ZBED4: variants seen among roughly 807,000 people sequenced by gnomAD.
The protein encoded by ZBED4 is zinc finger BED domain-containing protein 4.
Under a neutral mutation model 15.5 loss-of-function variants are expected in ZBED4, and 4 were observed. The observed-to-expected ratio is 0.26, with a 90% CI of 0.13 to 0.59. The LOEUF (loss-of-function observed/expected upper bound fraction) is 0.59, where lower values mean the gene tolerates loss of function less well. Among genes scored for constraint, ZBED4 ranks in the 20% least tolerant of loss-of-function variants. The pLI, the probability that ZBED4 is intolerant of heterozygous loss-of-function variation, is 0.90. For missense variants in ZBED4, 1,323 were observed against 1,461.8 expected (o/e 0.91, Z 1.55); for synonymous variants, 692 against 608.5 (o/e 1.14, Z -2.02).
intron 1 of ZBED4, among the ~76,000 whole-genome samples, chr22:49,883,112 C>G (rs960760087): frequency 2.6e-5 from 4 of 152,148 alleles, no homozygotes; most frequent in Non-Finnish European, 5.9e-5. Context: ...TATTAATAGG[C>G]CACTTGCATT....
Position 49,885,428 on chromosome 22 carries a change from G to C in ZBED4, c.1766G>C (p.Gly589Ala). The C allele has an allele frequency of 6.2e-7, 1 of 1,609,426 alleles. No individual in the cohort carries two copies. The highest frequency in any genetic ancestry group is 8.5e-7 in the Non-Finnish European group (1 of 1,176,052). ...CLHCGRTISR[G>A]KKPTNLGTSC... ...CACTGTGGCCGGACCATCAGCCGGG[G>C]GAAGAAGCCGACTAACTTGGGTACC... is the stretch of plus-strand genomic sequence containing the variant. Residue 589 changes from glycine (G) to alanine (A), a missense_variant, in exon 2 of 2, where the codon GGG (glycine) becomes GCG (alanine). Physicochemically the swap from Gly to Ala is moderately conservative, Grantham distance 60. Transcript: ENST00000216268.
In ZBED4 at chr22:49,887,507, A is replaced by G. The variant is rs930872825; in HGVS notation, c.*329A>G. On this transcript the variant is annotated 3_prime_UTR_variant, in exon 2 of 2. Coordinates refer to ENST00000216268, the MANE Select transcript of ZBED4 (RefSeq NM_014838.3). ...TACTAGAATGACAAAGAAGATGTAA[A>G]CCATTTTATTCTGTAGGCTTTTTAC... 1 of 228,192 alleles carries G rather than the reference A, an allele frequency of 4.4e-6. No homozygotes were observed. The highest frequency in any genetic ancestry group is 2.3e-5 in the African/African-American group (1 of 44,006). The allele number at this position is 228,192 out of a possible 1,614,324, so 14.1% of individuals were successfully genotyped here.
chr22:49,858,254 T>C (rs542376926), intron 1 of ZBED4, among the ~76,000 whole-genome samples: 1 of 152,334 alleles, frequency 6.6e-6, no homozygotes, highest in Admixed American at 6.5e-5. Context: ...GGGCAGCTGT[T>C]GTGAGCCATG....
chr22:49,868,250 C>G (rs1455145508), intron 1 of ZBED4, among the ~76,000 whole-genome samples: 3 of 152,062 alleles, frequency 2.0e-5, no homozygotes, highest in Non-Finnish European at 2.9e-5. Flanking sequence ...TTTGGGGAAA[C>G]TAAAAAATAA....
rs1402921176 is a variant in ZBED4, at chr22:49,886,068, G to A, written c.2406G>A (p.Gln802=). The A allele has an allele frequency of 4.4e-6, 3 of 682,212 alleles. No individual in the cohort carries two copies. In the African/African-American group the frequency reaches 5.4e-5, roughly 12 times the overall value. 42.3% of individuals were successfully genotyped at this position (682,212 alleles called of 1,614,324 possible). ...CGTGGGTGACCTCCACCGGCCTTCAGGTGGGCATCACCGTCACCGACAACG... is the reference window on the plus strand; with the variant it reads ...CGTGGGTGACCTCCACCGGCCTTCAAGTGGGCATCACCGTCACCGACAACG... ...WEAWVTSTGL[Q]VGITVTDNAS... Residue 802 remains glutamine (Q), a synonymous_variant, in exon 2 of 2, where the codon CAG becomes CAA. Coordinates refer to ENST00000216268, the MANE Select transcript of ZBED4 (RefSeq NM_014838.3). The surrounding 1 kb of genome is among the most constrained non-coding windows in gnomAD (Gnocchi z 7.7).
At chr22:49,877,258 A>ATTATTTATTTAT (rs200275015) in intron 1 of ZBED4, among the ~76,000 whole-genome samples, 13 of 144,738 alleles carry the variant, frequency 9.0e-5, no homozygotes, top group Admixed American at 4.1e-4. Context: ...AAACAGCTTT[A>ATTATTTATTTAT]TTATTTATTT....
intron 1 of ZBED4, among the ~76,000 whole-genome samples, chr22:49,875,190 G>A (rs1401155066): frequency 6.6e-6 from 1 of 151,818 alleles, no homozygotes; most frequent in African/African-American, 2.4e-5. Context: ...AAAGAATTGG[G>A]AGGTGTTTCT....
Position 49,885,833 on chromosome 22 carries a change from A to G in ZBED4, c.2171A>G (p.Glu724Gly). Residue 724 changes from glutamate (E) to glycine (G), a missense_variant, in exon 2 of 2, where the codon GAG (glutamate) becomes GGG (glycine). Physicochemically the swap from Glu to Gly is moderately conservative, Grantham distance 98. Transcript: ENST00000216268. ...ATTATGTCCCACCTTAAGGAAGCTGAGAGTGGTGTGATCCACTTCACGTCT... is the reference window on the plus strand; with the variant it reads ...ATTATGTCCCACCTTAAGGAAGCTGGGAGTGGTGTGATCCACTTCACGTCT... ...QIIMSHLKEA[E>G]SGVIHFTSGI... The G allele has an allele frequency of 6.5e-7, 1 of 1,546,098 alleles. No individual in the cohort carries two copies. The highest frequency in any genetic ancestry group is 2.2e-5 in the East Asian group (1 of 44,510).
intron 1 of ZBED4, among the ~76,000 whole-genome samples, chr22:49,874,142 C>T (rs1423750774): frequency 1.3e-5 from 2 of 152,184 alleles, no homozygotes; most frequent in African/African-American, 4.8e-5. Context: ...CGCCTCCTGC[C>T]TGGGCAGACT....
Position 49,885,544 on chromosome 22 carries a change from C to T in ZBED4, c.1882C>T (p.Arg628Trp), listed in dbSNP as rs199728678. ...ETARPSSPDTRVPRGTELSGA... is the reference protein window; with the variant it reads ...ETARPSSPDTWVPRGTELSGA... The stretch of plus-strand genomic sequence containing the variant: ...GGCTCGGCCCTCCTCTCCGGACACC[C>T]GGGTGCCGCGGGGCACAGAATTATC... The change falls in exon 2 of 2, where the codon CGG (arginine) becomes TGG (tryptophan). Residue 628 changes from arginine (R) to tryptophan (W), a missense_variant. Physicochemically the swap from Arg to Trp is moderately radical, Grantham distance 101. This residue lies in a region of ZBED4 where 429 missense variants were observed against 397.9 expected (regional missense o/e 1.08). Transcript: ENST00000216268. 187 of 1,605,732 alleles carry T rather than the reference C, an allele frequency of 1.2e-4. No individual in the cohort carries two copies. Among genetic ancestry groups the T allele is most frequent in the Middle Eastern group, 1.2e-3 (7 of 6,052 alleles).
intron 1 of ZBED4, among the ~76,000 whole-genome samples, chr22:49,858,092 G>A (rs956302404): frequency 6.6e-6 from 1 of 152,106 alleles, no homozygotes; most frequent in Non-Finnish European, 1.5e-5. Flanking sequence ...AGTAGAGATG[G>A]GCTGTCACCA....
At chr22:49,859,692 A>G (rs1477271256) in intron 1 of ZBED4, among the ~76,000 whole-genome samples, 1 of 152,242 alleles carries the variant, frequency 6.6e-6, no homozygotes, top group Non-Finnish European at 1.5e-5. Context: ...AGTTCAGTCA[A>G]TTTGAATTAT....
At position 49,853,870 on chromosome 22, in the gene ZBED4, C is replaced by G. The variant is rs989547341; in HGVS notation, c.-449C>G. ...CAGCGTCCGGCGGCGTCGCGGGCGG[C>G]GGGCGGCGGGGCCGCGGGAGGGGCG... is the stretch of plus-strand genomic sequence containing the variant. On this transcript the variant is annotated 5_prime_UTR_variant, in exon 1 of 2. Coordinates refer to ENST00000216268, the MANE Select transcript of ZBED4 (RefSeq NM_014838.3). 7.0e-6 allele frequency: 1 copy of G among 143,226 alleles called. No individual in the cohort carries two copies. The highest frequency in any genetic ancestry group is 6.9e-5 in the Admixed American group (1 of 14,504). The allele number at this position is 143,226 out of a possible 1,614,324, so 8.9% of individuals were successfully genotyped here.
At chr22:49,871,875 A>G (rs983666080) in intron 1 of ZBED4, among the ~76,000 whole-genome samples, 3 of 151,584 alleles carry the variant, frequency 2.0e-5, no homozygotes, top group Non-Finnish European at 2.9e-5. Flanking sequence ...CTGCCTCAGT[A>G]GCTGGGATTA....
rs1027851966 is a variant in ZBED4, at chr22:49,887,992, G to C, written c.*814G>C. ...CACGCCTCCGCTTCAGCATCTCCAC[G>C]CTCTGAAGCTGTCTTTCAAAATGTG... On this transcript the variant is annotated 3_prime_UTR_variant, in exon 2 of 2. Transcript: ENST00000216268. 6.0e-6 allele frequency: 1 copy of C among 167,224 alleles called. No homozygotes were observed. The highest frequency in any genetic ancestry group is 1.5e-5 in the Non-Finnish European group (1 of 68,122). 10.4% of individuals were successfully genotyped at this position (167,224 alleles called of 1,614,324 possible). A position where few individuals can be genotyped will look rare whatever the true frequency, so the allele number is the denominator to read the frequency against.
At chr22:49,882,858 G>A (rs76630079) in intron 1 of ZBED4, among the ~76,000 whole-genome samples, 1,625 of 152,310 alleles carry the variant, frequency 0.011, 35 homozygotes, top group African/African-American at 0.038. Flanking sequence ...ACTGTGGTCC[G>A]TTTCCTATTC....
chr22:49,864,515 G>T (rs574178906), intron 1 of ZBED4, among the ~76,000 whole-genome samples: 1 of 152,260 alleles, frequency 6.6e-6, no homozygotes, highest in East Asian at 1.9e-4. Flanking sequence ...AGTCGAAAAT[G>T]CACTTAATAC....
At chr22:49,871,985 C>T (rs1287250945) in intron 1 of ZBED4, among the ~76,000 whole-genome samples, 1 of 152,106 alleles carries the variant, frequency 6.6e-6, no homozygotes, top group Non-Finnish European at 1.5e-5. Context: ...ACCTCGTGAT[C>T]CGCCTGCCTC....
chr22:49,887,456 TAA>T lies in ZBED4; in HGVS notation c.*280_*281del. The stretch of plus-strand genomic sequence containing the variant: ...TTTAATTCATAACCGTAAAGTTTTT[TAA>T]AGTTTTGGGTTAGTAATTTGTTTTA... On this transcript the variant is annotated 3_prime_UTR_variant, in exon 2 of 2. Coordinates refer to ENST00000216268, the MANE Select transcript of ZBED4 (RefSeq NM_014838.3). The T allele has an allele frequency of 3.1e-6, 1 of 318,420 alleles. No individual in the cohort carries two copies. The highest frequency in any genetic ancestry group is 6.1e-6 in the Non-Finnish European group (1 of 163,614). The allele number at this position is 318,420 out of a possible 1,614,324, so 19.7% of individuals were successfully genotyped here. A position where few individuals can be genotyped will look rare whatever the true frequency, so the allele number is the denominator to read the frequency against.
Sources: gnomAD v4.1 joint callset for allele counts (sites outside exome capture counted in the v4.1 genomes callset) on GRCh38, gnomAD v4.1.1 for gene constraint, gnomAD v4.1.1 regional missense constraint, Gnocchi (gnomAD v3.1) non-coding constraint, MANE v1.5 for transcripts, NCBI Gene and HGNC (gene_info 2026-07-23, HGNC 2026-07-21) for gene names.